PRSS23: variants seen among roughly 807,000 people sequenced by gnomAD.
The protein encoded by PRSS23 is protease, serine 23.
In PRSS23, 25 loss-of-function variants were observed where a neutral mutation model predicts 34.7. The ratio of observed to expected loss-of-function variants is 0.72; its 90% CI spans 0.53 to 1.01. PRSS23 has a LOEUF of 1.01. Among genes scored for constraint, PRSS23 ranks in the 50% least tolerant of loss-of-function variants. PRSS23 has a pLI of 0.00. For missense variants in PRSS23, 445 were observed against 475.6 expected, an observed-to-expected ratio of 0.94 and a Z score of 0.60; for synonymous variants, 176 against 186.6, an observed-to-expected ratio of 0.94 and a Z score of 0.46.
intron 2 of PRSS23, among the ~76,000 whole-genome samples, chr11:86,875,815 T>C (rs1948720542): frequency 6.6e-6 from 1 of 152,202 alleles, no homozygotes; most frequent in Admixed American, 6.5e-5. Flanking sequence ...AACAGCCTTT[T>C]TTATCTTCAG....
intron 2 of PRSS23, among the ~76,000 whole-genome samples, chr11:86,913,741 T>C (rs1276281690): frequency 6.6e-6 from 1 of 151,358 alleles, no homozygotes; most frequent in Non-Finnish European, 1.5e-5. Context: ...GATAGAGATG[T>C]AGGTTGTGGT....
In PRSS23 at chr11:86,950,853, C is replaced by T; in HGVS notation, c.207-363C>T. ...TGGACTTCCTGGAATCTAGGCAGGA[C>T]CTCCACGCTCCAAGCTGCAACCTGC... On this transcript the variant is annotated intron_variant, in intron 2 of 2. Coordinates refer to the PRSS23 transcript ENST00000533902. The T allele has an allele frequency of 1.0e-5, 5 of 477,912 alleles. 1 individual carries two copies. The South Asian group carries it at 1.1e-4, about 10-fold the overall frequency. 29.6% of individuals were successfully genotyped at this position (477,912 alleles called of 1,614,324 possible).
chr11:86,882,692 CT>C (rs1948779498), intron 2 of PRSS23, among the ~76,000 whole-genome samples: 1 of 152,138 alleles, frequency 6.6e-6, no homozygotes, highest in African/African-American at 2.4e-5. Flanking sequence ...TAATAGAACA[CT>C]TCCTATTTCT....
At chr11:86,791,299 G>A (rs1468017170) in intron 1 of PRSS23, 1 of 152,280 alleles carries the variant, frequency 6.6e-6, no homozygotes, top group Non-Finnish European at 1.5e-5. Flanking sequence ...CAGCCCTTGT[G>A]GCATTCTGCA....
Position 86,906,684 on chromosome 11 carries a change from G to A in PRSS23, c.207-44532G>A, listed in dbSNP as rs192614862. Among the ~76,000 whole-genome samples, 792 of 152,348 alleles carry A rather than the reference G, an allele frequency of 5.2e-3. 3 individuals carry two copies. Among genetic ancestry groups the A allele is most frequent in the Non-Finnish European group, 7.4e-3 (506 of 68,020 alleles). On this transcript the variant is annotated intron_variant, in intron 2 of 2. Coordinates refer to the PRSS23 transcript ENST00000533902. ...CTGCCCAAAATAACACTGCTGGTTA[G>A]TGGCACAATGAGGCCCAAACCCAAG... is the stretch of plus-strand genomic sequence containing the variant.
intron 2 of PRSS23, among the ~76,000 whole-genome samples, chr11:86,897,616 G>A (rs140635026): frequency 2.0e-4 from 30 of 152,072 alleles, no homozygotes; most frequent in Middle Eastern, 3.4e-3. Flanking sequence ...AGAATTATAA[G>A]CATGCACCCC....
chr11:86,799,807 G>A (rs907947389), upstream of PRSS23, among the ~76,000 whole-genome samples: 9 of 152,082 alleles, frequency 5.9e-5, no homozygotes, highest in Non-Finnish European at 1.5e-5. Context: ...GAAGAACTGA[G>A]GCCAGTGGGC....
At chr11:86,821,693 G>A (rs1240509676) in intron 1 of PRSS23, 20 of 1,504,200 alleles carry the variant, frequency 1.3e-5, no homozygotes, top group African/African-American at 1.2e-4. Flanking sequence ...CTTATGTTCT[G>A]TTGAATATAC....
At chr11:86,923,480 G>C (rs1949060281) in intron 2 of PRSS23, among the ~76,000 whole-genome samples, 1 of 152,064 alleles carries the variant, frequency 6.6e-6, no homozygotes, top group South Asian at 2.1e-4. Flanking sequence ...ATTTCTAATG[G>C]ACAAAGCAGA....
chr11:86,824,564 G>C (rs1216694383), intron 2 of PRSS23, among the ~76,000 whole-genome samples: 1 of 149,262 alleles, frequency 6.7e-6, no homozygotes, highest in Non-Finnish European at 1.5e-5. Context: ...GTGCCATGCT[G>C]GTGTGCTGCA....
At chr11:86,792,399 C>T (rs1213807788) in intron 1 of PRSS23, among the ~76,000 whole-genome samples, 4 of 152,216 alleles carry the variant, frequency 2.6e-5, no homozygotes, top group Admixed American at 2.0e-4. Flanking sequence ...TGAGTGATGG[C>T]TTCCCACTGC....
At chr11:86,822,109 G>A (rs1421836761) in intron 1 of PRSS23, among the ~76,000 whole-genome samples, 1 of 152,112 alleles carries the variant, frequency 6.6e-6, no homozygotes, top group Admixed American at 6.5e-5. Flanking sequence ...GCACATAATA[G>A]GGGTTCATTT....
intron 1 of PRSS23, among the ~76,000 whole-genome samples, chr11:86,795,531 G>A (rs910010790): frequency 8.5e-5 from 13 of 152,240 alleles, no homozygotes; most frequent in African/African-American, 3.1e-4. Context: ...AAATGATGTG[G>A]ATCATCTTCC....
chr11:86,941,368 G>A (rs911111872), intron 2 of PRSS23, among the ~76,000 whole-genome samples: 7 of 152,198 alleles, frequency 4.6e-5, no homozygotes, highest in Admixed American at 1.3e-4. Flanking sequence ...AGGGAGGCAC[G>A]TAGTGTGCTG....
intron 2 of PRSS23, among the ~76,000 whole-genome samples, chr11:86,843,299 A>T (rs1483060905): frequency 6.6e-6 from 1 of 152,234 alleles, no homozygotes; most frequent in Non-Finnish European, 1.5e-5. Context: ...TAAATATAAG[A>T]CCTAACACCA....
Position 86,800,656 on chromosome 11 carries a change from G to C in PRSS23, c.-14+5G>C. Reference sequence around the variant, plus strand: ...CGGGCGGGCTGCTCGGCGCGGGTGAGTGCGGGCACCGACTGGGGCATCCGC... The same window carrying C: ...CGGGCGGGCTGCTCGGCGCGGGTGACTGCGGGCACCGACTGGGGCATCCGC... On this transcript the variant is annotated splice_donor_5th_base_variant and intron_variant, in intron 1 of 1. Coordinates refer to ENST00000280258, the MANE Select transcript of PRSS23 (RefSeq NM_007173.6). The C allele has an allele frequency of 1.0e-6, 1 of 985,410 alleles. No individual in the cohort carries two copies. Among genetic ancestry groups the C allele is most frequent in the South Asian group, 4.7e-5 (1 of 21,302 alleles). 61.0% of individuals were successfully genotyped at this position (985,410 alleles called of 1,614,324 possible).
At chr11:86,831,735 A>G (rs1948358107) in intron 2 of PRSS23, among the ~76,000 whole-genome samples, 1 of 151,594 alleles carries the variant, frequency 6.6e-6, no homozygotes, top group Non-Finnish European at 1.5e-5. Context: ...GTATGTTACT[A>G]CCAATGTCAT....
intron 2 of PRSS23, among the ~76,000 whole-genome samples, chr11:86,860,718 C>G (rs965922203): frequency 2.0e-5 from 3 of 151,470 alleles, no homozygotes; most frequent in African/African-American, 7.3e-5. Flanking sequence ...ATAATATAAC[C>G]CCAAATTTGG....
At position 86,903,301 on chromosome 11, in the gene PRSS23, C is replaced by T. The variant is rs535517960; in HGVS notation, c.207-47915C>T. Among the ~76,000 whole-genome samples the T allele has an allele frequency of 7.2e-5, 11 of 152,072 alleles. No homozygotes were observed. In the South Asian group the frequency reaches 2.1e-3, roughly 29 times the overall value. ...AAATATAAACAAACAATAATCATCC[C>T]AGCTTCTGTTTTACAAGCTACAGGT... On this transcript the variant is annotated intron_variant, in intron 2 of 2. Transcript: ENST00000533902.
Sources: gnomAD v4.1 joint callset for allele counts (sites outside exome capture counted in the v4.1 genomes callset) on GRCh38, gnomAD v4.1.1 for gene constraint, MANE v1.5 for transcripts, NCBI Gene and HGNC (gene_info 2026-07-23, HGNC 2026-07-21) for gene names.